Variants in IQGAP3 observed in about 807,000 individuals in gnomAD.
The protein encoded by IQGAP3 is IQ motif containing GTPase activating protein 3, also known as ras GTPase-activating-like protein IQGAP3.
A neutral mutation model predicts 208.2 loss-of-function variants in IQGAP3; 165 were observed. The observed-to-expected ratio is 0.79, with a 90% CI of 0.70 to 0.90. IQGAP3 has a LOEUF of 0.90. IQGAP3 is among the 40% of genes least tolerant of loss of function. The pLI, the probability that IQGAP3 is intolerant of heterozygous loss-of-function variation, is 0.00. For missense variants in IQGAP3, 1,811 were observed against 2,043.1 expected (o/e 0.89, Z 2.19); for synonymous variants, 703 against 803.6 (o/e 0.87, Z 2.12).
chr1:156,564,623 A>T lies in IQGAP3; in HGVS notation c.429T>A (p.His143Gln). 1 of 1,611,974 alleles carries T rather than the reference A, an allele frequency of 6.2e-7. No individual in the cohort carries two copies. Among genetic ancestry groups the T allele is most frequent in the Non-Finnish European group, 8.5e-7 (1 of 1,177,988 alleles). The change falls in exon 5 of 38, where the codon CAT becomes CAA. Residue 143 changes from histidine (H) to glutamine (Q), a missense_variant. By Grantham distance (24) the His-to-Gln change is conservative. Coordinates refer to ENST00000361170, the MANE Select transcript of IQGAP3 (RefSeq NM_178229.5). ...KNMPRVVYCI[H>Q]ALSLFLFRLG... is the part of the protein sequence containing the mutation. ...AATTTGAGGTCTCTCACCTGAGAGC[A>T]TGGATGCAGTAGACTACCCGGGGCA...
At position 156,554,384 on chromosome 1, in the gene IQGAP3, G is replaced by C; in HGVS notation, c.1299C>G (p.Gly433=). Residue 433 remains glycine, a synonymous_variant, in exon 13 of 38, where the codon GGC becomes GGG. Coordinates refer to ENST00000361170, the MANE Select transcript of IQGAP3 (RefSeq NM_178229.5). ...CCACAGCCACGAAGAGCTCCTCCTG[G>C]CCAAGCTCCTACAATGGGTGGGAGG... ...AVLQQQQGEL[G]QEELFVAVEM... The C allele has an allele frequency of 1.2e-6, 2 of 1,605,436 alleles. No individual in the cohort carries two copies. Among genetic ancestry groups the C allele is most frequent in the East Asian group, 4.5e-5 (2 of 44,784 alleles).
At chr1:156,550,165 G>T in intron 16 of IQGAP3, 96 bp downstream of exon 16, 2 of 800,204 alleles carry the variant, frequency 2.5e-6, no homozygotes, top group Non-Finnish European at 4.3e-6. Context: ...TGAAGGGAGA[G>T]GGTGGTGACC....
intron 29 of IQGAP3, 111 bp downstream of exon 29, chr1:156,534,390 C>G: frequency 1.0e-6 from 1 of 954,792 alleles, no homozygotes; most frequent in Non-Finnish European, 1.6e-6. Context: ...GCTCATTATG[C>G]TCATCCCTTC....
In IQGAP3 at chr1:156,563,192, A is replaced by G. The variant is rs1676238512; in HGVS notation, c.740T>C (p.Val247Ala). 6.2e-7 allele frequency: 1 copy of G among 1,612,848 alleles called. No individual in the cohort carries two copies. The highest frequency in any genetic ancestry group is 1.7e-5 in the Admixed American group (1 of 59,974). The change falls in exon 8 of 38, where the codon GTC (valine) becomes GCC (alanine). Residue 247 changes from valine to alanine, a missense_variant. Coordinates refer to ENST00000361170, the MANE Select transcript of IQGAP3 (RefSeq NM_178229.5). Reference sequence around the variant, plus strand: ...GGCCTGGGCCAGCATCTCTTGGTAGACGGCTGCCAGAGGCTCTCGGAGATT... The same window carrying G: ...GGCCTGGGCCAGCATCTCTTGGTAGGCGGCTGCCAGAGGCTCTCGGAGATT... ...LENLREPLAA[V>A]YQEMLAQAKM...
chr1:156,561,007 C>T lies in IQGAP3; in HGVS notation c.1056G>A (p.Val352=). 2 of 1,613,420 alleles carry T rather than the reference C, an allele frequency of 1.2e-6. No individual in the cohort carries two copies. Among genetic ancestry groups the T allele is most frequent in the Non-Finnish European group, 1.7e-6 (2 of 1,179,540 alleles). ...REQKAQELGL[V]ELLEKEEVQA... Reference sequence around the variant, plus strand: ...GGACTTCCTCCTTTTCCAGAAGCTCCACCAGGCCCAGCTCCTAAGAGAGGG... The same window carrying T: ...GGACTTCCTCCTTTTCCAGAAGCTCTACCAGGCCCAGCTCCTAAGAGAGGG... The change falls in exon 11 of 38, where the codon GTG becomes GTA. Residue 352 remains valine, a synonymous_variant. Transcript: ENST00000361170.
At chr1:156,543,894 G>A in intron 22 of IQGAP3, 87 bp downstream of exon 22, 2 of 1,113,672 alleles carry the variant, frequency 1.8e-6, no homozygotes, top group Non-Finnish European at 2.7e-6. Flanking sequence ...TACCTGCTGT[G>A]CAGTCGCAGA....
At chr1:156,556,446 C>T (rs1266022244) in intron 12 of IQGAP3, 87 bp downstream of exon 12, 18 of 1,352,344 alleles carry the variant, frequency 1.3e-5, no homozygotes, top group Non-Finnish European at 1.0e-6. Context: ...TCATATCGCA[C>T]TCACAAGAGG....
chr1:156,552,208 T>C, intron 13 of IQGAP3, 113 bp from the exon 14 acceptor site: 1 of 1,293,050 alleles, frequency 7.7e-7, no homozygotes, highest in Non-Finnish European at 1.1e-6. Context: ...CCACACTCTT[T>C]TAGTTCTCTT....
chr1:156,563,384 C>A, intron 7 of IQGAP3, 72 bp from the exon 8 acceptor site: 1 of 1,478,344 alleles, frequency 6.8e-7, no homozygotes, highest in East Asian at 2.3e-5. Context: ...CAGTAGCAGC[C>A]CACTCTAATG....
rs924100969 is a variant in IQGAP3, at chr1:156,530,383, G to T, written c.4192-66C>A. Reference sequence around the variant, plus strand: ...CCATTCTGCTCCCACACCAGTGAAGGTCCCATGGGCACCAGCAACAAAGGG... The same window carrying T: ...CCATTCTGCTCCCACACCAGTGAAGTTCCCATGGGCACCAGCAACAAAGGG... On this transcript the variant is annotated intron_variant, in intron 33 of 37. Coordinates refer to ENST00000361170, the MANE Select transcript of IQGAP3 (RefSeq NM_178229.5). 44 of 1,393,022 alleles carry T rather than the reference G, an allele frequency of 3.2e-5. No homozygotes were observed. The Middle Eastern group carries it at 7.4e-4, about 24-fold the overall frequency. 86.3% of individuals were successfully genotyped at this position (1,393,022 alleles called of 1,614,324 possible). A position where few individuals can be genotyped will look rare whatever the true frequency, so the allele number is the denominator to read the frequency against.
In IQGAP3 at chr1:156,572,070, CCT is replaced by C. The variant is rs781139950; in HGVS notation, c.37+421_37+422del. Among the ~76,000 whole-genome samples the C allele has an allele frequency of 2.4e-4, 36 of 152,298 alleles. 1 individual carries two copies. The highest frequency in any genetic ancestry group is 4.0e-4 in the Non-Finnish European group (27 of 68,018). ...ACAAGCTTCCCGGGTAATTTCACCC[CCT>C]GTTTGACAGGCATTGTCTGAAAGCG... On this transcript the variant is annotated intron_variant, in intron 1 of 37. Coordinates refer to ENST00000361170, the MANE Select transcript of IQGAP3 (RefSeq NM_178229.5).
At chr1:156,547,388 GACACACACACACACAC>G (rs61344699) in intron 19 of IQGAP3, among the ~76,000 whole-genome samples, 18 of 147,328 alleles carry the variant, frequency 1.2e-4, no homozygotes, top group South Asian at 2.2e-4. Context: ...CAGACACACA[GACACACACACACACAC>G]ACACACACAC....
intron 12 of IQGAP3, 28 bp from the exon 13 acceptor site, chr1:156,554,420 A>G (rs1297502803): frequency 6.4e-7 from 1 of 1,574,210 alleles, no homozygotes; most frequent in Admixed American, 1.9e-5. Flanking sequence ...GCCAATTCCC[A>G]AGTGGGCAGG....
intron 11 of IQGAP3, among the ~76,000 whole-genome samples, chr1:156,557,926 G>A (rs1327988920): frequency 7.0e-5 from 1 of 14,280 alleles, no homozygotes; most frequent in African/African-American, 1.6e-4. Flanking sequence ...CGGGAGGGAG[G>A]TGGGGGGGTC....
At chr1:156,566,610 G>A in intron 2 of IQGAP3, 64 bp from the exon 3 acceptor site, 1 of 1,523,418 alleles carries the variant, frequency 6.6e-7, no homozygotes, top group Non-Finnish European at 9.0e-7. Context: ...TCTAACAACA[G>A]GAACTTCCCT....
At chr1:156,543,639 C>T (rs1311871660) in intron 22 of IQGAP3, among the ~76,000 whole-genome samples, 1 of 152,164 alleles carries the variant, frequency 6.6e-6, no homozygotes, top group Non-Finnish European at 1.5e-5. Context: ...CCTCACCAGG[C>T]CTTGTTTGTG....
At chr1:156,541,486 AAAAG>A (rs1182535335) in intron 22 of IQGAP3, among the ~76,000 whole-genome samples, 1 of 152,160 alleles carries the variant, frequency 6.6e-6, no homozygotes, top group Non-Finnish European at 1.5e-5. Context: ...ATTTGAGCAA[AAAAG>A]AAAGAAGCCT....
chr1:156,525,744 A>AAAAAAAAAAAAATG lies in IQGAP3; in HGVS notation c.*741_*742insCATTTTTTTTTTTT, dbSNP rs1674017181. ...TCTTTGAGCTCAAAAAAAAAAAAAA[A>AAAAAAAAAAAAATG]AAAAAAAAAATGAAAGCGTTAAAAC... On this transcript the variant is annotated 3_prime_UTR_variant, in exon 38 of 38. Transcript: ENST00000361170. 1 of 151,748 alleles carries AAAAAAAAAAAAATG rather than the reference A, an allele frequency of 6.6e-6. No homozygotes were observed. Among genetic ancestry groups the AAAAAAAAAAAAATG allele is most frequent in the Non-Finnish European group, 1.5e-5 (1 of 67,926 alleles). The allele number at this position is 151,748 out of a possible 1,614,324, so 9.4% of individuals were successfully genotyped here.
chr1:156,562,147 G>T, intron 9 of IQGAP3, 146 bp from the exon 10 acceptor site: 1 of 755,360 alleles, frequency 1.3e-6, no homozygotes, highest in Non-Finnish European at 2.1e-6. Context: ...ATTTGGTTCA[G>T]CCCAAATTCT....
Sources: gnomAD v4.1 joint callset for allele counts (sites outside exome capture counted in the v4.1 genomes callset) on GRCh38, gnomAD v4.1.1 for gene constraint, MANE v1.5 for transcripts, NCBI Gene and HGNC (gene_info 2026-07-23, HGNC 2026-07-21) for gene names.